Variants in STOX2 observed in about 807,000 individuals in gnomAD.
STOX2 encodes storkhead-box protein 2.
STOX2 carries 28 observed loss-of-function variants against 60.9 expected under a neutral mutation model. That is an observed-to-expected ratio of 0.46 (90% CI 0.34 to 0.63). STOX2 has a LOEUF of 0.63. Among genes scored for constraint, STOX2 ranks in the 30% least tolerant of loss-of-function variants. The pLI is 0.01. For synonymous variants in STOX2, 472 were observed against 463.9 expected (o/e 1.02, Z -0.22); for missense variants, 1,024 against 1,187.7 (o/e 0.86, Z 2.03).
chr4:183,830,949 G>C (rs1464937114), intron 1 of STOX2, among the ~76,000 whole-genome samples: 1 of 147,918 alleles, frequency 6.8e-6, no homozygotes, highest in Non-Finnish European at 1.5e-5. Flanking sequence ...ACAGTTTTCA[G>C]TTTCAAAGTT....
chr4:183,937,295 T>C (rs1190690334), intron 1 of STOX2, among the ~76,000 whole-genome samples: 1 of 152,212 alleles, frequency 6.6e-6, no homozygotes, highest in Non-Finnish European at 1.5e-5. Context: ...TCCAGAATTC[T>C]CCTAGTTAAT....
intron 1 of STOX2, among the ~76,000 whole-genome samples, chr4:183,884,458 T>C (rs1011517017): frequency 1.4e-4 from 21 of 152,170 alleles, no homozygotes; most frequent in Non-Finnish European, 2.9e-4. Context: ...GGCAACATGG[T>C]GAGACCCTGT....
At chr4:184,008,368 A>G (rs1262253306) in intron 2 of STOX2, among the ~76,000 whole-genome samples, 1 of 152,254 alleles carries the variant, frequency 6.6e-6, no homozygotes, top group Non-Finnish European at 1.5e-5. Flanking sequence ...AGAAGCTTTC[A>G]TCATTTTCAT....
intron 1 of STOX2, among the ~76,000 whole-genome samples, chr4:183,893,631 A>G (rs923218839): frequency 7.9e-5 from 12 of 152,082 alleles, no homozygotes; most frequent in African/African-American, 2.9e-4. Flanking sequence ...ATTATTTTAC[A>G]TATAAAAGTG....
chr4:183,952,237 T>C (rs963953768), intron 1 of STOX2, among the ~76,000 whole-genome samples: 2 of 152,232 alleles, frequency 1.3e-5, no homozygotes, highest in Non-Finnish European at 2.9e-5. Context: ...GTTGGTTTGT[T>C]CTGCGTACTT....
intron 1 of STOX2, among the ~76,000 whole-genome samples, chr4:183,844,103 T>C (rs1739931839): frequency 6.6e-6 from 1 of 152,226 alleles, no homozygotes; most frequent in African/African-American, 2.4e-5. Context: ...TATTATTCAA[T>C]TTGGTGAATT....
chr4:183,844,982 T>C (rs1452170242), intron 1 of STOX2, among the ~76,000 whole-genome samples: 3 of 152,224 alleles, frequency 2.0e-5, no homozygotes, highest in Non-Finnish European at 4.4e-5. Flanking sequence ...ATTTCATTCA[T>C]GATGAAACTA....
In STOX2 at chr4:184,009,142, T is replaced by G. The variant is rs750461852; in HGVS notation, c.320-16T>G. The G allele has an allele frequency of 1.4e-6, 2 of 1,408,510 alleles. No homozygotes were observed. Among genetic ancestry groups the G allele is most frequent in the Admixed American group, 5.7e-5 (2 of 35,320 alleles). The allele number at this position is 1,408,510 out of a possible 1,614,324, so 87.3% of individuals were successfully genotyped here. Reference sequence around the variant, plus strand: ...GTCTTCATTCTCACAAGTGGTTTTTTTTTTTTTTTTTTCAGGTGTTCCAAC... The same window carrying G: ...GTCTTCATTCTCACAAGTGGTTTTTGTTTTTTTTTTTTCAGGTGTTCCAAC... On this transcript the variant is annotated splice_polypyrimidine_tract_variant and intron_variant, in intron 2 of 3. Coordinates refer to ENST00000308497, the MANE Select transcript of STOX2 (RefSeq NM_020225.3). This position sits in a 1 kb window ranked among gnomAD's most constrained non-coding sequence, Gnocchi z 4.0.
intron 1 of STOX2, among the ~76,000 whole-genome samples, chr4:183,923,621 C>T (rs1742161107): frequency 6.6e-6 from 1 of 152,192 alleles, no homozygotes; most frequent in Non-Finnish European, 1.5e-5. Context: ...TAAACACAGG[C>T]AAAGTACACT....
intron 1 of STOX2, among the ~76,000 whole-genome samples, chr4:183,883,046 C>T (rs1740991697): frequency 6.6e-6 from 1 of 151,784 alleles, no homozygotes; most frequent in African/African-American, 2.4e-5. Context: ...TTCTAAAATA[C>T]ACAAAAGTAG....
At chr4:183,854,651 G>T (rs1357629267) in intron 1 of STOX2, among the ~76,000 whole-genome samples, 1 of 152,084 alleles carries the variant, frequency 6.6e-6, no homozygotes, top group Non-Finnish European at 1.5e-5. Flanking sequence ...CATGTAAATG[G>T]GACTGTTAGG....
chr4:183,823,494 T>C (rs760276445), intron 1 of STOX2, among the ~76,000 whole-genome samples: 9 of 152,224 alleles, frequency 5.9e-5, no homozygotes, highest in Non-Finnish European at 1.0e-4. Context: ...GGCAAACTGT[T>C]ACACAATAAA....
chr4:183,927,620 C>CT (rs373660217), intron 1 of STOX2, among the ~76,000 whole-genome samples: 31 of 151,978 alleles, frequency 2.0e-4, no homozygotes, highest in African/African-American at 7.5e-4. Flanking sequence ...GCAGGCTAGA[C>CT]GTGGTACTTT....
chr4:183,956,652 G>T (rs996131287), intron 1 of STOX2, among the ~76,000 whole-genome samples: 1 of 152,102 alleles, frequency 6.6e-6, no homozygotes, highest in Non-Finnish European at 1.5e-5. Flanking sequence ...TCATTGATAT[G>T]ATACTATTTC....
chr4:183,846,266 T>G (rs189812276), intron 1 of STOX2, among the ~76,000 whole-genome samples: 26 of 152,362 alleles, frequency 1.7e-4, no homozygotes, highest in Admixed American at 3.3e-4. Flanking sequence ...ATAATGTATC[T>G]TGTTTTGGAC....
At chr4:183,866,224 C>T (rs1432693991) in intron 1 of STOX2, among the ~76,000 whole-genome samples, 1 of 152,172 alleles carries the variant, frequency 6.6e-6, no homozygotes, top group Non-Finnish European at 1.5e-5. Context: ...ATATCCAGTG[C>T]TCAGCTTATT....
At chr4:183,894,283 A>G (rs866585494) in intron 1 of STOX2, among the ~76,000 whole-genome samples, 7 of 152,246 alleles carry the variant, frequency 4.6e-5, no homozygotes, top group Admixed American at 2.0e-4. Context: ...CAGCACCTTT[A>G]ACATATGGTA....
chr4:184,014,504 G>A (rs1734288020), intron 3 of STOX2: 1 of 151,628 alleles, frequency 6.6e-6, no homozygotes, highest in African/African-American at 2.4e-5. Flanking sequence ...AGAACCGCTT[G>A]GTCCATTTCT....
Position 183,836,565 on chromosome 4 carries a change from A to G in STOX2, c.364+38510A>G, listed in dbSNP as rs934621112. On this transcript the variant is annotated intron_variant, in intron 1 of 2. Transcript: ENST00000513034. This position sits in a 1 kb window ranked among gnomAD's most constrained non-coding sequence, Gnocchi z 4.1. ...TCAGGGGCTTTTTGATGCCTCAGCC[A>G]TTATCCAGACCCCATCACATGGCCC... Among the ~76,000 whole-genome samples, 3 of 152,218 alleles carry G rather than the reference A, an allele frequency of 2.0e-5. No individual in the cohort carries two copies. Among genetic ancestry groups the G allele is most frequent in the Non-Finnish European group, 2.9e-5 (2 of 68,048 alleles).
Sources: allele counts gnomAD v4.1 joint callset (sites outside exome capture counted in the v4.1 genomes callset), GRCh38; gene constraint gnomAD v4.1.1; non-coding constraint Gnocchi (gnomAD v3.1); transcripts MANE v1.5; gene names NCBI Gene and HGNC (gene_info 2026-07-23, HGNC 2026-07-21).